Variants in CORO2A observed in about 807,000 individuals in gnomAD.
The protein encoded by CORO2A is coronin 2A.
CORO2A carries 47 observed loss-of-function variants against 62.4 expected under a neutral mutation model. That is an observed-to-expected ratio of 0.75 (90% CI 0.60 to 0.96). The LOEUF is 0.96. CORO2A is among the 40% of genes least tolerant of loss of function. The pLI is 0.00. For missense variants in CORO2A, 610 were observed against 684.1 expected (o/e 0.89, Z 1.21); for synonymous variants, 273 against 268.9 (o/e 1.02, Z -0.15).
Position 98,122,364 on chromosome 9 carries a change from G to A in CORO2A, c.*2410C>T, listed in dbSNP as rs1392789803. ...ATCTGTATTTCCTGCACGCTCCCAA[G>A]GGAATTCTAATGTACACAGCTTGGG... On this transcript the variant is annotated 3_prime_UTR_variant, in exon 12 of 12. Transcript: ENST00000375077. The A allele has an allele frequency of 6.6e-6, 1 of 152,238 alleles. No homozygotes were observed. Among genetic ancestry groups the A allele is most frequent in the East Asian group, 1.9e-4 (1 of 5,190 alleles). The allele number at this position is 152,238 out of a possible 1,614,324, so 9.4% of individuals were successfully genotyped here. A position where few individuals can be genotyped will look rare whatever the true frequency, so the allele number is the denominator to read the frequency against.
At chr9:98,186,132 C>T (rs1290968071) in intron 1 of CORO2A, among the ~76,000 whole-genome samples, 1 of 152,210 alleles carries the variant, frequency 6.6e-6, no homozygotes, top group Non-Finnish European at 1.5e-5. Context: ...CATATCAACC[C>T]TGCACAAATG....
At chr9:98,144,959 C>T (rs372388067) in intron 2 of CORO2A, among the ~76,000 whole-genome samples, 9 of 152,144 alleles carry the variant, frequency 5.9e-5, no homozygotes, top group South Asian at 2.1e-4. Context: ...GACCAGGGAC[C>T]GCCCAGAGGA....
At chr9:98,145,810 T>C (rs1371668089) in intron 2 of CORO2A, among the ~76,000 whole-genome samples, 2 of 152,208 alleles carry the variant, frequency 1.3e-5, no homozygotes, top group East Asian at 3.8e-4. Flanking sequence ...TCTCCCGGGT[T>C]CAAGTGATTC....
At chr9:98,149,101 T>C (rs1308587025) in intron 2 of CORO2A, among the ~76,000 whole-genome samples, 2 of 152,190 alleles carry the variant, frequency 1.3e-5, no homozygotes, top group South Asian at 2.1e-4. Flanking sequence ...TGTAGTCTTA[T>C]AAGATGTTAC....
chr9:98,135,040 C>A, intron 3 of CORO2A, 85 bp from the exon 4 acceptor site: 1 of 1,538,392 alleles, frequency 6.5e-7, no homozygotes, highest in South Asian at 1.2e-5. Flanking sequence ...CTGGCAGTGA[C>A]CAGCAGAAGG....
intron 2 of CORO2A, among the ~76,000 whole-genome samples, chr9:98,151,567 T>A (rs1827724202): frequency 6.6e-6 from 1 of 152,260 alleles, no homozygotes; most frequent in Non-Finnish European, 1.5e-5. Flanking sequence ...ATAATTTGAC[T>A]ACATGTTCTT....
At position 98,128,706 on chromosome 9, in the gene CORO2A, C is replaced by T; in HGVS notation, c.981G>A (p.Lys327=). ...NPQKGIGVMP[K]RGLDVSSCEI... is the part of the protein sequence containing the mutation. ...CGCAGGAGGACACGTCGAGTCCTCT[C>T]TTTGGCATGACACCTGAAGGCAGAC... Residue 327 remains lysine, a synonymous_variant, in exon 9 of 12, where the codon AAG becomes AAA. Coordinates refer to ENST00000375077, the MANE Select transcript of CORO2A (RefSeq NM_052820.4). 1.9e-6 allele frequency: 3 copies of T among 1,614,112 alleles called. No homozygotes were observed. Among genetic ancestry groups the T allele is most frequent in the Non-Finnish European group, 2.5e-6 (3 of 1,179,956 alleles).
intron 1 of CORO2A, among the ~76,000 whole-genome samples, chr9:98,167,611 G>A (rs969605528): frequency 6.6e-6 from 1 of 152,120 alleles, no homozygotes; most frequent in Non-Finnish European, 1.5e-5. Flanking sequence ...GCAATGTGTG[G>A]ATCCTGTGTG....
intron 2 of CORO2A, among the ~76,000 whole-genome samples, chr9:98,148,578 T>TA (rs1340662802): frequency 6.6e-6 from 1 of 151,420 alleles, no homozygotes; most frequent in Non-Finnish European, 1.5e-5. Context: ...CACCTCTACA[T>TA]AAAAAATATA....
chr9:98,138,232 T>C (rs1827515064), intron 2 of CORO2A, among the ~76,000 whole-genome samples: 1 of 152,052 alleles, frequency 6.6e-6, no homozygotes, highest in Non-Finnish European at 1.5e-5. Context: ...CTGGCCAACA[T>C]GGTGAAACCC....
chr9:98,124,956 C>G (rs1827296894), intron 11 of CORO2A, 51 bp from the exon 12 acceptor site: 2 of 1,544,010 alleles, frequency 1.3e-6, no homozygotes, highest in Non-Finnish European at 1.8e-6. Context: ...AGGACACCAG[C>G]TGAAAGCTAA....
At chr9:98,173,547 C>CT (rs11427674) in intron 1 of CORO2A, among the ~76,000 whole-genome samples, 36,102 of 151,998 alleles carry the variant, frequency 0.24, 4,566 homozygotes, top group East Asian at 0.49. Context: ...TTTCTTAAGT[C>CT]TCTTCTCAAC....
chr9:98,157,934 C>G (rs1434286692), intron 1 of CORO2A, among the ~76,000 whole-genome samples: 1 of 152,154 alleles, frequency 6.6e-6, no homozygotes, highest in African/African-American at 2.4e-5. Flanking sequence ...GTGAATATAA[C>G]AAGGCAGAAG....
chr9:98,145,040 T>C (rs1001334780), intron 2 of CORO2A, among the ~76,000 whole-genome samples: 13 of 152,110 alleles, frequency 8.5e-5, no homozygotes, highest in African/African-American at 2.9e-4. Flanking sequence ...ACTTCTAAAA[T>C]GCACAGCACA....
chr9:98,147,132 A>G (rs1827653268), intron 2 of CORO2A, among the ~76,000 whole-genome samples: 2 of 151,974 alleles, frequency 1.3e-5, no homozygotes, highest in Non-Finnish European at 2.9e-5. Flanking sequence ...AAAAAGAAAC[A>G]TCAATCAAAT....
intron 8 of CORO2A, among the ~76,000 whole-genome samples, chr9:98,129,466 A>G (rs994525306): frequency 6.6e-6 from 1 of 152,198 alleles, no homozygotes; most frequent in Non-Finnish European, 1.5e-5. Flanking sequence ...AGGCTCTTCT[A>G]GGTCAGCCCT....
intron 1 of CORO2A, among the ~76,000 whole-genome samples, chr9:98,163,438 C>G (rs1242390478): frequency 6.6e-6 from 1 of 152,228 alleles, no homozygotes; most frequent in Non-Finnish European, 1.5e-5. Flanking sequence ...GATCCGCCTA[C>G]CTTGGCCTCC....
At position 98,160,934 on chromosome 9, in the gene CORO2A, T is replaced by C. The variant is rs539685008; in HGVS notation, c.1-3274A>G. On this transcript the variant is annotated intron_variant, in intron 1 of 11. Coordinates refer to ENST00000375077, the MANE Select transcript of CORO2A (RefSeq NM_052820.4). ...CTGTGACCCTCTAGGACTCTCGTCCTTGGCCAAAGGGATGAGAAGGGTGCA... is the reference window on the plus strand; with the variant it reads ...CTGTGACCCTCTAGGACTCTCGTCCCTGGCCAAAGGGATGAGAAGGGTGCA... Among the ~76,000 whole-genome samples, 8 of 152,298 alleles carry C rather than the reference T, an allele frequency of 5.3e-5. No individual in the cohort carries two copies. The East Asian group carries it at 1.5e-3, about 29-fold the overall frequency.
intron 1 of CORO2A, among the ~76,000 whole-genome samples, chr9:98,161,098 G>A (rs190385606): frequency 6.6e-6 from 1 of 152,202 alleles, no homozygotes; most frequent in South Asian, 2.1e-4. Context: ...ATTTGTCATG[G>A]AGGACAGCGA....
Sources: allele counts gnomAD v4.1 joint callset (sites outside exome capture counted in the v4.1 genomes callset), GRCh38; gene constraint gnomAD v4.1.1; transcripts MANE v1.5; gene names NCBI Gene and HGNC (gene_info 2026-07-23, HGNC 2026-07-21).